Variants in AJAP1 observed in about 807,000 individuals in gnomAD.
The protein encoded by AJAP1 is adherens junctions associated protein 1, also known as adherens junction-associated protein 1.
AJAP1 carries 5 observed loss-of-function variants against 35.0 expected under a neutral mutation model. The ratio of observed to expected loss-of-function variants is 0.14; its 90% CI spans 0.07 to 0.30. The LOEUF (loss-of-function observed/expected upper bound fraction) is 0.30, where lower values mean the gene tolerates loss of function less well. AJAP1 is among the 10% of genes least tolerant of loss of function. The probability of loss-of-function intolerance (pLI) is 1.00; values close to 1 mark genes in which losing one functional copy is unlikely to be tolerated. For missense variants in AJAP1, 586 were observed against 571.0 expected (o/e 1.03, Z -0.27); for synonymous variants, 284 against 249.3 (o/e 1.14, Z -1.31).
chr1:4,699,718 C>G (rs1046760648), intron 1 of AJAP1, among the ~76,000 whole-genome samples: 3 of 152,172 alleles, frequency 2.0e-5, no homozygotes, highest in Non-Finnish European at 4.4e-5. Flanking sequence ...CCGAAAACTT[C>G]CCTCCCTGAG....
In AJAP1 at chr1:4,787,533, T is replaced by A; in HGVS notation, c.*5048T>A. 1 of 382,870 alleles carries A rather than the reference T, an allele frequency of 2.6e-6. No individual in the cohort carries two copies. The highest frequency in any genetic ancestry group is 5.2e-6 in the Non-Finnish European group (1 of 191,340). 23.7% of individuals were successfully genotyped at this position (382,870 alleles called of 1,614,324 possible). ...GCAGTGCAGCACTGAAGATAAGACATCGCAGTTGTTACGACGCCTGGTTCT... is the reference window on the plus strand; with the variant it reads ...GCAGTGCAGCACTGAAGATAAGACAACGCAGTTGTTACGACGCCTGGTTCT... On this transcript the variant is annotated 3_prime_UTR_variant, in exon 6 of 6. Transcript: ENST00000378191.
intron 1 of AJAP1, among the ~76,000 whole-genome samples, chr1:4,668,243 T>C (rs1639178488): frequency 2.0e-5 from 3 of 151,684 alleles, no homozygotes; most frequent in Non-Finnish European, 4.4e-5. Context: ...GGGTGGCAAC[T>C]TTCTTCCTCC....
chr1:4,712,159 C>G lies in AJAP1; in HGVS notation c.289C>G (p.Arg97Gly). The G allele has an allele frequency of 1.3e-6, 2 of 1,563,960 alleles. No individual in the cohort carries two copies. Among genetic ancestry groups the G allele is most frequent in the Non-Finnish European group, 1.7e-6 (2 of 1,161,042 alleles). The stretch of plus-strand genomic sequence containing the variant: ...GATCCACGGGCAGATGCAGATGCCT[C>G]GAGCCAGACGGGCCCACAGGCCCCG... ...ERIHGQMQMP[R>G]ARRAHRPRDQ... The change falls in exon 2 of 6, where the codon CGA becomes GGA. Residue 97 changes from arginine (R) to glycine (G), a missense_variant. Physicochemically the swap from Arg to Gly is moderately radical, Grantham distance 125. Transcript: ENST00000378191.
chr1:4,789,812 G>A lies in AJAP1; in HGVS notation c.*7327G>A, dbSNP rs892949123. On this transcript the variant is annotated 3_prime_UTR_variant, in exon 6 of 6. Coordinates refer to ENST00000378191, the MANE Select transcript of AJAP1 (RefSeq NM_018836.4). The surrounding 1 kb of genome is among the most constrained non-coding windows in gnomAD (Gnocchi z 4.4). ...TTTTTGTTTTGTTTTGTTTTGTTTT[G>A]TTTTCGGCACCATTATGTACGATGA... is the stretch of plus-strand genomic sequence containing the variant. 4 of 152,290 alleles carry A rather than the reference G, an allele frequency of 2.6e-5. No individual in the cohort carries two copies. Among genetic ancestry groups the A allele is most frequent in the Admixed American group, 2.0e-4 (3 of 15,270 alleles). The allele number at this position is 152,290 out of a possible 1,614,324, so 9.4% of individuals were successfully genotyped here.
chr1:4,685,714 G>A (rs865863084), intron 1 of AJAP1, among the ~76,000 whole-genome samples: 6 of 152,326 alleles, frequency 3.9e-5, no homozygotes, highest in South Asian at 2.1e-4. Context: ...CCATGTTAGG[G>A]TGCACCGTTG....
chr1:4,704,756 A>G (rs1640063539), intron 1 of AJAP1, among the ~76,000 whole-genome samples: 1 of 152,180 alleles, frequency 6.6e-6, no homozygotes, highest in Admixed American at 6.5e-5. Flanking sequence ...TGGTTAAACT[A>G]GTTTACAGTC....
intron 2 of AJAP1, among the ~76,000 whole-genome samples, chr1:4,725,727 G>A (rs886169360): frequency 1.3e-5 from 2 of 152,120 alleles, no homozygotes; most frequent in Non-Finnish European, 2.9e-5. Context: ...AGAAGTCTGA[G>A]GTCAGGGTGT....
intron 2 of AJAP1, among the ~76,000 whole-genome samples, chr1:4,751,935 C>G (rs538328122): frequency 6.6e-6 from 1 of 152,128 alleles, no homozygotes; most frequent in South Asian, 2.1e-4. Flanking sequence ...GCACTGAGTC[C>G]CTGCCCACAC....
At position 4,712,704 on chromosome 1, in the gene AJAP1, A is replaced by T. The variant is rs562550721; in HGVS notation, c.829+5A>T. 1 of 1,507,466 alleles carries T rather than the reference A, an allele frequency of 6.6e-7. No homozygotes were observed. Among genetic ancestry groups the T allele is most frequent in the African/African-American group, 1.4e-5 (1 of 71,606 alleles). The allele number at this position is 1,507,466 out of a possible 1,614,324, so 93.4% of individuals were successfully genotyped here. On this transcript the variant is annotated splice_donor_5th_base_variant and intron_variant, in intron 2 of 5. Transcript: ENST00000378191. ...GGATTCTGGGGGAGGCCTCAGGTACAGCCATCTCTCTTCTGGTTTGGGTTT... is the reference window on the plus strand; with the variant it reads ...GGATTCTGGGGGAGGCCTCAGGTACTGCCATCTCTCTTCTGGTTTGGGTTT...
intron 2 of AJAP1, among the ~76,000 whole-genome samples, chr1:4,746,960 C>T (rs371554876): frequency 6.6e-6 from 1 of 152,202 alleles, no homozygotes; most frequent in African/African-American, 2.4e-5. Flanking sequence ...GGTAAAAGCA[C>T]CAGATTAGTC....
chr1:4,700,005 A>C (rs750545691), intron 1 of AJAP1, among the ~76,000 whole-genome samples: 3 of 152,102 alleles, frequency 2.0e-5, no homozygotes, highest in Non-Finnish European at 4.4e-5. Context: ...CTCTAGTTAA[A>C]TATGCATCTG....
chr1:4,742,490 T>G (rs1219621789), intron 2 of AJAP1, among the ~76,000 whole-genome samples: 1 of 152,072 alleles, frequency 6.6e-6, no homozygotes, highest in Admixed American at 6.5e-5. Flanking sequence ...CAAATGCAAG[T>G]TGGGAGCCTG....
At chr1:4,777,926 A>G (rs1201075187) in intron 5 of AJAP1, 1 of 152,250 alleles carries the variant, frequency 6.6e-6, no homozygotes, top group Non-Finnish European at 1.5e-5. Flanking sequence ...AGCTGAGAAC[A>G]GTACCACGAA....
At chr1:4,669,334 C>T (rs1261784037) in intron 1 of AJAP1, among the ~76,000 whole-genome samples, 2 of 152,232 alleles carry the variant, frequency 1.3e-5, no homozygotes, top group South Asian at 2.1e-4. Flanking sequence ...AAGAAATGCC[C>T]GAGACTGGGT....
chr1:4,658,510 T>G (rs551059024), intron 1 of AJAP1, among the ~76,000 whole-genome samples: 8 of 152,352 alleles, frequency 5.3e-5, no homozygotes, highest in African/African-American at 1.9e-4. Flanking sequence ...GAATCCTGGC[T>G]CGCGCCGATT....
rs966151482 is a variant in AJAP1, at chr1:4,752,555, G to A, written c.830-17298G>A. ...ATAAATAGTAGTATCATATTATGGA[G>A]TTTAAATTAAATCAGCAGGAGGGAG... On this transcript the variant is annotated intron_variant, in intron 2 of 5. Coordinates refer to ENST00000378191, the MANE Select transcript of AJAP1 (RefSeq NM_018836.4). 2.0e-5 allele frequency among the ~76,000 whole-genome samples: 3 copies of A among 152,132 alleles called. No homozygotes were observed. The South Asian group carries it at 6.2e-4, about 32-fold the overall frequency.
In AJAP1 at chr1:4,700,385, TC is replaced by T. The variant is rs1639959960; in HGVS notation, c.30-11514del. Among the ~76,000 whole-genome samples, 5 of 152,242 alleles carry T rather than the reference TC, an allele frequency of 3.3e-5. No individual in the cohort carries two copies. The South Asian group carries it at 1.0e-3, about 32-fold the overall frequency. On this transcript the variant is annotated intron_variant, in intron 1 of 5. Transcript: ENST00000378191. ...GCCCCCACAGGCGCCCATGAGTGGATCTGCCTGAGGCCTGGGCCTCAGCATT... is the reference window on the plus strand; with the variant it reads ...GCCCCCACAGGCGCCCATGAGTGGATTGCCTGAGGCCTGGGCCTCAGCATT...
rs1372345604 is a variant in AJAP1 at position 4,712,212 on chromosome 1, G to C, written c.342G>C (p.Lys114Asn). ...PRDQAAALVPKAGLAKPPAAA... is the reference protein window; with the variant it reads ...PRDQAAALVPNAGLAKPPAAA... ...ACCAGGCGGCCGCCCTCGTGCCCAA[G>C]GCAGGACTGGCCAAGCCCCCAGCTG... Residue 114 changes from lysine to asparagine, a missense_variant, in exon 2 of 6, where the codon AAG (lysine) becomes AAC (asparagine). Transcript: ENST00000378191. 2 of 1,556,350 alleles carry C rather than the reference G, an allele frequency of 1.3e-6. No homozygotes were observed. The highest frequency in any genetic ancestry group is 1.7e-6 in the Non-Finnish European group (2 of 1,160,276).
chr1:4,781,966 T>C (rs1240678755), intron 5 of AJAP1, among the ~76,000 whole-genome samples: 9 of 152,160 alleles, frequency 5.9e-5, no homozygotes, highest in Admixed American at 5.9e-4. Flanking sequence ...TTCTCTCTCT[T>C]TGGCAAGATC....
Sources: allele counts gnomAD v4.1 joint callset (sites outside exome capture counted in the v4.1 genomes callset), GRCh38; gene constraint gnomAD v4.1.1; non-coding constraint Gnocchi (gnomAD v3.1); transcripts MANE v1.5; gene names NCBI Gene and HGNC (gene_info 2026-07-23, HGNC 2026-07-21).